Variants in PLA2G6 observed in about 807,000 individuals in gnomAD.
PLA2G6 encodes the protein phospholipase A2 group VI.
PLA2G6 carries 62 observed loss-of-function variants against 83.8 expected under a neutral mutation model. That is an observed-to-expected ratio of 0.74 (90% CI 0.60 to 0.91). The LOEUF (loss-of-function observed/expected upper bound fraction) is 0.91, where lower values mean the gene tolerates loss of function less well. PLA2G6 is among the 40% of genes least tolerant of loss of function. The probability of loss-of-function intolerance (pLI) is 0.00; values close to 1 mark genes in which losing one functional copy is unlikely to be tolerated. For synonymous variants in PLA2G6, 417 were observed against 449.8 expected (o/e 0.93, Z 0.92); for missense variants, 944 against 1,102.0 (o/e 0.86, Z 2.03).
At chr22:38,164,763 C>T (rs2090152319) in intron 2 of PLA2G6, among the ~76,000 whole-genome samples, 1 of 152,180 alleles carries the variant, frequency 6.6e-6, no homozygotes, top group African/African-American at 2.4e-5. Context: ...GCGTCAAGTA[C>T]TCAGGACAGT....
chr22:38,156,926 A>G (rs946169728), intron 2 of PLA2G6, among the ~76,000 whole-genome samples: 1 of 152,208 alleles, frequency 6.6e-6, no homozygotes, highest in Admixed American at 6.5e-5. Context: ...ACATCCTGAA[A>G]CAAATGATAA....
chr22:38,153,363 G>A (rs1284072675), intron 2 of PLA2G6, among the ~76,000 whole-genome samples: 1 of 152,202 alleles, frequency 6.6e-6, no homozygotes, highest in African/African-American at 2.4e-5. Context: ...GGGAAGTGAG[G>A]AGTGCCTCTC....
At position 38,169,360 on chromosome 22, in the gene PLA2G6, G is replaced by A. The variant is rs769876649; in HGVS notation, c.67C>T (p.Arg23Trp). ...GVTNLFSNPF[R>W]VKEVAVADYT... is the part of the protein sequence containing the mutation. ...TCGGCCACAGCCACCTCCTTCACCCGGAATGGGTTAGAGAACAAGTTGGTG... is the reference window on the plus strand; with the variant it reads ...TCGGCCACAGCCACCTCCTTCACCCAGAATGGGTTAGAGAACAAGTTGGTG... The change falls in exon 2 of 17, where the codon CGG (arginine) becomes TGG (tryptophan). Residue 23 changes from arginine (R) to tryptophan (W), a missense_variant. Arg to Trp is a moderately radical substitution (Grantham distance 101). Transcript: ENST00000332509. 37 of 1,614,026 alleles carry A rather than the reference G, an allele frequency of 2.3e-5. No individual in the cohort carries two copies. The highest frequency in any genetic ancestry group is 3.3e-5 in the Admixed American group (2 of 59,992).
intron 1 of PLA2G6, among the ~76,000 whole-genome samples, chr22:38,178,162 G>T (rs1602302280): frequency 6.6e-6 from 1 of 152,190 alleles, no homozygotes; most frequent in Non-Finnish European, 1.5e-5. Context: ...GACTTTAAGA[G>T]ATCTTTGGGC....
At chr22:38,115,114 C>T (rs907342542) in intron 14 of PLA2G6, among the ~76,000 whole-genome samples, 8 of 152,350 alleles carry the variant, frequency 5.3e-5, no homozygotes, top group African/African-American at 1.4e-4. Flanking sequence ...GAGCCCTTTC[C>T]GAGCCCCCAG....
At position 38,123,186 on chromosome 22, in the gene PLA2G6, G is replaced by A. The variant is rs768283331; in HGVS notation, c.1500C>T (p.Ile500=). The change falls in exon 11 of 17, where the codon ATC becomes ATT. Residue 500 remains isoleucine, a synonymous_variant. Coordinates refer to ENST00000332509, the MANE Select transcript of PLA2G6 (RefSeq NM_003560.4). The surrounding 1 kb of genome is among the most constrained non-coding windows in gnomAD (Gnocchi z 4.1). ...GLIIIQLLIA[I]EKASGVATKD... ...TGGTGGCCACACCCGAGGCCTTCTC[G>A]ATGGCGATGAGGAGCTGGATGATGA... The A allele has an allele frequency of 1.2e-5, 18 of 1,552,706 alleles. No individual in the cohort carries two copies. The East Asian group carries it at 1.7e-4, about 15-fold the overall frequency.
At chr22:38,125,112 G>C (rs1264672495) in intron 10 of PLA2G6, among the ~76,000 whole-genome samples, 1 of 152,216 alleles carries the variant, frequency 6.6e-6, no homozygotes, top group East Asian at 1.9e-4. Context: ...ACAGGTGTGT[G>C]TATGTACATG....
chr22:38,118,436 G>A (rs1223283777), intron 12 of PLA2G6, among the ~76,000 whole-genome samples: 1 of 152,202 alleles, frequency 6.6e-6, no homozygotes, highest in Admixed American at 6.5e-5. Context: ...GTTGGGCCTG[G>A]TACAGAATCC....
At chr22:38,131,777 A>C (rs533628763) in intron 7 of PLA2G6, 1 of 237,994 alleles carries the variant, frequency 4.2e-6, no homozygotes, top group African/African-American at 2.3e-5. Flanking sequence ...ACTTCTGTAC[A>C]TACGGTATTG....
In PLA2G6 at chr22:38,132,952, G is replaced by A. The variant is rs149653983; in HGVS notation, c.956C>T (p.Thr319Met). 2.9e-4 allele frequency: 454 copies of A among 1,563,608 alleles called. 1 individual carries two copies. Among genetic ancestry groups the A allele is most frequent in the Middle Eastern group, 8.3e-4 (5 of 5,998 alleles). ...GCGCATCACCGCCACGTGCAGGGCC[G>A]TGTTCCCCGCGGAGCTGGTGCTGTT... Reference protein sequence around the residue: ...NVNSTSSAGNTALHVAVMRNR... With the variant: ...NVNSTSSAGNMALHVAVMRNR... Residue 319 changes from threonine to methionine, a missense_variant, in exon 7 of 17, where the codon ACG becomes ATG. Thr to Met is a moderately conservative substitution (Grantham distance 81). Transcript: ENST00000332509. This position sits in a 1 kb window ranked among gnomAD's most constrained non-coding sequence, Gnocchi z 5.0.
intron 1 of PLA2G6, among the ~76,000 whole-genome samples, chr22:38,171,746 G>A (rs1039818173): frequency 6.6e-6 from 1 of 151,654 alleles, no homozygotes; most frequent in Non-Finnish European, 1.5e-5. Flanking sequence ...ACTTGAGCCC[G>A]GGAGGTGGAG....
At chr22:38,131,308 C>T (rs1451116480) in intron 7 of PLA2G6, 3 of 152,176 alleles carry the variant, frequency 2.0e-5, no homozygotes, top group African/African-American at 7.2e-5. Context: ...ACACGAGCCA[C>T]TGCAGCTGGC....
chr22:38,113,716 G>A (rs1318501538), intron 14 of PLA2G6, 62 bp from the exon 15 acceptor site: 15 of 1,504,720 alleles, frequency 1.0e-5, no homozygotes, highest in Non-Finnish European at 1.3e-5. Flanking sequence ...GCACGAAGGG[G>A]AGCGTCAAGG....
rs191828044 is a variant in PLA2G6 at position 38,128,253 on chromosome 22, G to A, written c.1348+16C>T. 16 of 1,611,666 alleles carry A rather than the reference G, an allele frequency of 9.9e-6. No homozygotes were observed. The East Asian group carries it at 1.3e-4, about 13-fold the overall frequency. On this transcript the variant is annotated intron_variant, in intron 9 of 16. Transcript: ENST00000332509. The surrounding 1 kb of genome is among the most constrained non-coding windows in gnomAD (Gnocchi z 4.4). ...GGAACCAGCTGGAGAAGAGGGAGTC[G>A]GGAGGCGAGGCCTACCTAGGTTGTT...
At chr22:38,113,050 G>A (rs1239336442) in intron 15 of PLA2G6, among the ~76,000 whole-genome samples, 1 of 152,102 alleles carries the variant, frequency 6.6e-6, no homozygotes. Flanking sequence ...GGGACCACAG[G>A]CACACACCAC....
chr22:38,112,753 G>A (rs1236376878), intron 15 of PLA2G6, 176 bp from the exon 16 acceptor site: 2 of 662,088 alleles, frequency 3.0e-6, no homozygotes, highest in Non-Finnish European at 2.7e-6. Context: ...GGGACTGCAG[G>A]GACTGTCCCA....
At position 38,133,329 on chromosome 22, in the gene PLA2G6, C is replaced by A. The variant is rs539042397; in HGVS notation, c.895-316G>T. 5.1e-4 allele frequency: 229 copies of A among 450,742 alleles called. 1 individual carries two copies. Among genetic ancestry groups the A allele is most frequent in the African/African-American group, 4.0e-3 (206 of 50,918 alleles). The allele number at this position is 450,742 out of a possible 1,614,324, so 27.9% of individuals were successfully genotyped here. A position where few individuals can be genotyped will look rare whatever the true frequency, so the allele number is the denominator to read the frequency against. On this transcript the variant is annotated intron_variant, in intron 6 of 16. Coordinates refer to ENST00000332509, the MANE Select transcript of PLA2G6 (RefSeq NM_003560.4). ...CTCTGGGGCCTGTCCTGAAGCACCC[C>A]GCTCCCTGCATCCCTCCCTGGAACC...
chr22:38,118,278 G>T (rs1470843274), intron 12 of PLA2G6, among the ~76,000 whole-genome samples: 3 of 152,146 alleles, frequency 2.0e-5, no homozygotes, highest in Non-Finnish European at 4.4e-5. Context: ...GAGCTTAATT[G>T]GTTTGCCTTG....
Position 38,132,904 on chromosome 22 carries a change from A to G in PLA2G6, c.1004T>C (p.Val335Ala), listed in dbSNP as rs776876399. ...VMRNRFDCAI[V>A]LLTHGANADA... Reference sequence around the variant, plus strand: ...CGCGTTGGCCCCGTGGGTCAGCAGCACTATGGCACAGTCGAAGCGGTTGCG... The same window carrying G: ...CGCGTTGGCCCCGTGGGTCAGCAGCGCTATGGCACAGTCGAAGCGGTTGCG... Residue 335 changes from valine (V) to alanine (A), a missense_variant, in exon 7 of 17, where the codon GTG (valine) becomes GCG (alanine). Coordinates refer to ENST00000332509, the MANE Select transcript of PLA2G6 (RefSeq NM_003560.4). This position sits in a 1 kb window ranked among gnomAD's most constrained non-coding sequence, Gnocchi z 5.0. 2.6e-6 allele frequency: 4 copies of G among 1,556,280 alleles called. No homozygotes were observed. In the South Asian group the frequency reaches 4.7e-5, roughly 18 times the overall value.
Sources: allele counts gnomAD v4.1 joint callset (sites outside exome capture counted in the v4.1 genomes callset), GRCh38; gene constraint gnomAD v4.1.1; non-coding constraint Gnocchi (gnomAD v3.1); transcripts MANE v1.5; gene names NCBI Gene and HGNC (gene_info 2026-07-23, HGNC 2026-07-21).